The following RYR3 variants were observed in gnomAD, a reference collection of about 807,000 sequenced individuals.
RYR3 encodes brain ryanodine receptor-calcium release channel.
RYR3 carries 207 observed loss-of-function variants against 584.3 expected under a neutral mutation model. The ratio of observed to expected loss-of-function variants is 0.35; its 90% CI spans 0.32 to 0.40. RYR3 has a LOEUF of 0.40. RYR3 is among the 10% of genes least tolerant of loss of function. The pLI is 1.00. For missense variants in RYR3, 5,616 were observed against 6,089.2 expected, an observed-to-expected ratio of 0.92 and a Z score of 2.59; for synonymous variants, 2,416 against 2,248.5, an observed-to-expected ratio of 1.07 and a Z score of -2.11.
At chr15:33,327,593 T>C (rs1293500294) in intron 1 of RYR3, among the ~76,000 whole-genome samples, 1 of 152,242 alleles carries the variant, frequency 6.6e-6, no homozygotes, top group African/African-American at 2.4e-5. Flanking sequence ...TTTTCTGAAC[T>C]AAACAATCAG....
At chr15:33,816,820 C>T in intron 74 of RYR3, 42 bp from the exon 75 acceptor site, 1 of 1,321,848 alleles carries the variant, frequency 7.6e-7, no homozygotes, top group Non-Finnish European at 1.1e-6. Context: ...AGAACAAGTT[C>T]CATGGATCCC....
intron 1 of RYR3, among the ~76,000 whole-genome samples, chr15:33,408,669 G>T (rs372408449): frequency 1.3e-5 from 2 of 151,982 alleles, no homozygotes; most frequent in East Asian, 3.9e-4. Context: ...CGGTTTTTTT[G>T]ACTTTTTAAT....
rs1889944742 is a variant in RYR3 at position 33,864,909 on chromosome 15, AGGGGGATTTTTCTCCTT to A, written c.14518-221_14518-205del. 2.8e-5 allele frequency: 14 copies of A among 502,596 alleles called. No individual in the cohort carries two copies. In the East Asian group the frequency reaches 3.7e-4, roughly 13 times the overall value. 31.1% of individuals were successfully genotyped at this position (502,596 alleles called of 1,614,324 possible). A position where few individuals can be genotyped will look rare whatever the true frequency, so the allele number is the denominator to read the frequency against. ...TTTCAGTTTTGCTTGTTTGGGGCAGAGGGGGATTTTTCTCCTTCCCTGCCAGCATGTGTCAGAGAGAC... is the reference window on the plus strand; with the variant it reads ...TTTCAGTTTTGCTTGTTTGGGGCAGACCCTGCCAGCATGTGTCAGAGAGAC... On this transcript the variant is annotated intron_variant, in intron 103 of 103. Transcript: ENST00000634891.
chr15:33,672,853 A>G (rs1031156640), intron 38 of RYR3, among the ~76,000 whole-genome samples: 4 of 152,198 alleles, frequency 2.6e-5, no homozygotes, highest in Admixed American at 1.3e-4. Context: ...TTAGTTTTCT[A>G]CACTCCTCCA....
chr15:33,655,364 G>C (rs1389340302), intron 32 of RYR3, among the ~76,000 whole-genome samples: 1 of 152,194 alleles, frequency 6.6e-6, no homozygotes, highest in African/African-American at 2.4e-5. Context: ...TCCCTGAGCT[G>C]CAGAGGACGC....
chr15:33,534,330 G>A (rs2141086049), intron 5 of RYR3, among the ~76,000 whole-genome samples: 1 of 152,224 alleles, frequency 6.6e-6, no homozygotes, highest in East Asian at 1.9e-4. Flanking sequence ...GAACCCAGGA[G>A]GCAGGGGTTG....
At position 33,644,338 on chromosome 15, in the gene RYR3, T is replaced by G. The variant is rs373789830; in HGVS notation, c.3584T>G (p.Leu1195Arg). Residue 1195 changes from leucine (L) to arginine (R), a missense_variant, in exon 28 of 104, where the codon CTA (leucine) becomes CGA (arginine). By Grantham distance (102) the Leu-to-Arg change is moderately radical (BLOSUM62 -2). Transcript: ENST00000634891. ...TTCGTGCCCATCTGCTGTCTGGGTC[T>G]ATCTCAGATCGGCCGCATGAATCTC... ...NGFVPICCLGLSQIGRMNLGT... is the reference protein window; with the variant it reads ...NGFVPICCLGRSQIGRMNLGT... The G allele has an allele frequency of 3.7e-6, 6 of 1,612,386 alleles. No homozygotes were observed. In the African/African-American group the frequency reaches 5.3e-5, roughly 14 times the overall value.
At chr15:33,398,893 A>G (rs866148362) in intron 1 of RYR3, among the ~76,000 whole-genome samples, 3 of 152,154 alleles carry the variant, frequency 2.0e-5, no homozygotes, top group Non-Finnish European at 2.9e-5. Context: ...TGCGGGGTGC[A>G]CCTGCCAGGT....
chr15:33,829,374 C>T (rs1282722365), intron 85 of RYR3, among the ~76,000 whole-genome samples: 1 of 152,114 alleles, frequency 6.6e-6, no homozygotes, highest in East Asian at 1.9e-4. Context: ...ACAGCTGCTA[C>T]AGATAGTGAT....
intron 57 of RYR3, among the ~76,000 whole-genome samples, chr15:33,751,375 T>C (rs2071288018): frequency 6.6e-6 from 1 of 152,208 alleles, no homozygotes; most frequent in African/African-American, 2.4e-5. Context: ...TTCCTATATC[T>C]CCACATCCTC....
At chr15:33,704,990 G>T (rs1258276686) in intron 42 of RYR3, among the ~76,000 whole-genome samples, 1 of 152,148 alleles carries the variant, frequency 6.6e-6, no homozygotes, top group Non-Finnish European at 1.5e-5. Context: ...GTATGCTGGA[G>T]TTTCTTCCTT....
intron 2 of RYR3, among the ~76,000 whole-genome samples, chr15:33,491,143 G>C (rs759270877): frequency 1.3e-5 from 2 of 152,136 alleles, no homozygotes; most frequent in Non-Finnish European, 1.5e-5. Context: ...CACCAGTTTC[G>C]TCATTTGACT....
intron 1 of RYR3, among the ~76,000 whole-genome samples, chr15:33,383,292 G>A (rs1427379228): frequency 6.8e-6 from 1 of 146,972 alleles, no homozygotes; most frequent in Non-Finnish European, 1.5e-5. Flanking sequence ...TGTGGCAACT[G>A]GCTATCTAGT....
intron 19 of RYR3, among the ~76,000 whole-genome samples, chr15:33,621,216 C>T (rs1159654128): frequency 6.6e-6 from 1 of 152,160 alleles, no homozygotes; most frequent in South Asian, 2.1e-4. Context: ...CTCTAGAAAT[C>T]CTCATAAGAG....
chr15:33,819,639 A>G (rs1387691908), intron 76 of RYR3, 117 bp from the exon 77 acceptor site: 2 of 577,766 alleles, frequency 3.5e-6, no homozygotes, highest in Non-Finnish European at 5.0e-6. Context: ...GCGTCATTGC[A>G]CTCCAGCCTA....
At chr15:33,318,386 A>G (rs1367321945) in intron 1 of RYR3, among the ~76,000 whole-genome samples, 1 of 152,242 alleles carries the variant, frequency 6.6e-6, no homozygotes, top group Admixed American at 6.5e-5. Flanking sequence ...GCACTGTCTC[A>G]AGAAATTCCC....
intron 1 of RYR3, among the ~76,000 whole-genome samples, chr15:33,375,594 G>A (rs896621417): frequency 6.6e-6 from 1 of 152,206 alleles, no homozygotes; most frequent in African/African-American, 2.4e-5. Flanking sequence ...GGGATTGACG[G>A]TGATAGAGAT....
intron 23 of RYR3, among the ~76,000 whole-genome samples, chr15:33,631,848 G>A (rs980794806): frequency 1.4e-4 from 22 of 152,238 alleles, no homozygotes; most frequent in Admixed American, 3.3e-4. Flanking sequence ...CAGCAGATAT[G>A]CAGATGGATT....
rs567123077 is a variant in RYR3 at position 33,423,256 on chromosome 15, TTG to T, written c.52-50161_52-50160del. On this transcript the variant is annotated intron_variant, in intron 1 of 103. Transcript: ENST00000634891. ...TCATATAATTGAAATTATATAATAT[TTG>T]TCTTTCTGTGTCTGACTTATTTCAC... 5.7e-3 allele frequency among the ~76,000 whole-genome samples: 875 copies of T among 152,348 alleles called. 8 individuals carry two copies. Among genetic ancestry groups the T allele is most frequent in the African/African-American group, 0.02 (840 of 41,584 alleles).
Sources: gnomAD v4.1 joint callset for allele counts (sites outside exome capture counted in the v4.1 genomes callset) on GRCh38, gnomAD v4.1.1 for gene constraint, MANE v1.5 for transcripts, NCBI Gene and HGNC (gene_info 2026-07-23, HGNC 2026-07-21) for gene names.